PDE1A: variants seen among roughly 807,000 people sequenced by gnomAD.
PDE1A encodes phosphodiesterase 1A, also known as dual specificity calcium/calmodulin-dependent 3',5'-cyclic nucleotide phosphodiesterase 1A.
In PDE1A, 35 loss-of-function variants were observed where a neutral mutation model predicts 61.7. The observed-to-expected ratio is 0.57, with a 90% CI of 0.43 to 0.75. PDE1A has a LOEUF of 0.75. PDE1A is among the 30% of genes least tolerant of loss of function. The probability of loss-of-function intolerance (pLI) is 0.00; values close to 1 mark genes in which losing one functional copy is unlikely to be tolerated. For missense variants in PDE1A, 597 were observed against 630.6 expected, an observed-to-expected ratio of 0.95 and a Z score of 0.57; for synonymous variants, 232 against 213.2, an observed-to-expected ratio of 1.09 and a Z score of -0.77.
chr2:182,207,186 A>G (rs946263345), intron 7 of PDE1A, among the ~76,000 whole-genome samples: 2 of 152,232 alleles, frequency 1.3e-5, no homozygotes, highest in African/African-American at 2.4e-5. Context: ...GGAACTTCAT[A>G]CAGACTTGTT....
At chr2:182,521,218 TA>T (rs1447641806) in intron 2 of PDE1A, among the ~76,000 whole-genome samples, 2 of 151,960 alleles carry the variant, frequency 1.3e-5, no homozygotes, top group Non-Finnish European at 2.9e-5. Context: ...TAATTTTCTT[TA>T]AAAAAATATC....
intron 2 of PDE1A, among the ~76,000 whole-genome samples, chr2:182,251,803 T>G (rs1216573379): frequency 6.6e-6 from 1 of 152,210 alleles, no homozygotes. Flanking sequence ...AGAGTCCCCA[T>G]GAAAGTATTT....
intron 1 of PDE1A, among the ~76,000 whole-genome samples, chr2:182,360,224 T>C (rs1217081482): frequency 6.6e-6 from 1 of 152,130 alleles, no homozygotes; most frequent in African/African-American, 2.4e-5. Context: ...TGATTAATCT[T>C]AGATTTCATT....
the PDE1A span, among the ~76,000 whole-genome samples, chr2:182,689,584 C>T: frequency 4.6e-5 from 7 of 151,962 alleles, no homozygotes; most frequent in Non-Finnish European, 1.0e-4. Flanking sequence ...CAGGAAAGAT[C>T]CAAAATTGAC....
chr2:182,575,573 C>A, the PDE1A span, among the ~76,000 whole-genome samples: 1 of 151,532 alleles, frequency 6.6e-6, no homozygotes, highest in African/African-American at 2.4e-5. Flanking sequence ...AGTGGTGCCA[C>A]TTCCACTTCT....
At chr2:182,461,806 C>A (rs11892984) in intron 2 of PDE1A, among the ~76,000 whole-genome samples, 10,574 of 152,150 alleles carry the variant, frequency 0.069, 1,185 homozygotes, top group African/African-American at 0.24. Context: ...CTGTCCTTTC[C>A]CCTGTCAGTA....
At chr2:182,585,466 G>A in the PDE1A span, among the ~76,000 whole-genome samples, 1 of 152,108 alleles carries the variant, frequency 6.6e-6, no homozygotes, top group African/African-American at 2.4e-5. Context: ...TTTGTCTTAA[G>A]AACTACCTAG....
the PDE1A span, among the ~76,000 whole-genome samples, chr2:182,655,537 A>G: frequency 6.6e-6 from 1 of 152,242 alleles, no homozygotes; most frequent in Non-Finnish European, 1.5e-5. Context: ...TTTAAAGAGT[A>G]AACTATTCCT....
exon 15 of PDE1A, chr2:182,141,067 C>CTCTATAGTAGA (rs1291671790): frequency 2.0e-5 from 3 of 151,094 alleles, no homozygotes; most frequent in South Asian, 2.1e-4. Context: ...CTTTATATTC[C>CTCTATAGTAGA]TCTACTTTTT....
At chr2:182,571,399 A>G in the PDE1A span, among the ~76,000 whole-genome samples, 2 of 152,148 alleles carry the variant, frequency 1.3e-5, no homozygotes, top group Non-Finnish European at 2.9e-5. Context: ...AAATAGCATA[A>G]AATGATTACC....
intron 2 of PDE1A, among the ~76,000 whole-genome samples, chr2:182,254,891 A>G (rs1046571524): frequency 6.6e-6 from 1 of 152,168 alleles, no homozygotes; most frequent in African/African-American, 2.4e-5. Flanking sequence ...TTGACCACCT[A>G]TCTTTCTCAT....
the PDE1A span, among the ~76,000 whole-genome samples, chr2:182,530,859 CA>C: frequency 2.0e-5 from 3 of 151,600 alleles, no homozygotes; most frequent in Non-Finnish European, 4.4e-5. Context: ...AGCAAAAATG[CA>C]GGTAAATATC....
intron 1 of PDE1A, among the ~76,000 whole-genome samples, chr2:182,406,146 G>A (rs1702284454): frequency 6.6e-6 from 1 of 151,862 alleles, no homozygotes; most frequent in Non-Finnish European, 1.5e-5. Context: ...CACTTCAACT[G>A]TATATAGCTC....
the PDE1A span, among the ~76,000 whole-genome samples, chr2:182,621,584 AAT>A: frequency 1.8e-4 from 19 of 103,612 alleles, no homozygotes; most frequent in East Asian, 6.0e-4. Flanking sequence ...CTTAAAAAAA[AAT>A]TTTTTTTTTT....
the PDE1A span, among the ~76,000 whole-genome samples, chr2:182,661,808 CG>C: frequency 6.6e-6 from 1 of 151,884 alleles, no homozygotes; most frequent in African/African-American, 2.4e-5. Flanking sequence ...ATAATAGCAA[CG>C]AAAATGTCAG....
chr2:182,374,659 T>C (rs1461742409), intron 1 of PDE1A, among the ~76,000 whole-genome samples: 1 of 152,114 alleles, frequency 6.6e-6, no homozygotes, highest in Non-Finnish European at 1.5e-5. Context: ...ATGAACATGA[T>C]ACTAGAATAA....
rs1443174915 is a variant in PDE1A, at chr2:182,260,553, TAGG to T, written c.167+3745_167+3747del. Among the ~76,000 whole-genome samples the T allele has an allele frequency of 4.6e-5, 7 of 152,336 alleles. No individual in the cohort carries two copies. The South Asian group carries it at 1.4e-3, about 32-fold the overall frequency. On this transcript the variant is annotated intron_variant, in intron 2 of 13. Coordinates refer to ENST00000351439, the Ensembl canonical transcript of PDE1A. The stretch of plus-strand genomic sequence containing the variant: ...ATTTTGATCATGAAATCGCAGCTCT[TAGG>T]AGATTTGTAAGAGGTAATCTTAGGT...
intron 2 of PDE1A, among the ~76,000 whole-genome samples, chr2:182,520,861 C>T (rs1690520660): frequency 6.6e-6 from 1 of 151,962 alleles, no homozygotes; most frequent in Admixed American, 6.6e-5. Context: ...GTTTAATTTG[C>T]ATCTATGCTA....
the PDE1A span, among the ~76,000 whole-genome samples, chr2:182,545,710 C>A: frequency 6.6e-6 from 1 of 152,164 alleles, no homozygotes; most frequent in African/African-American, 2.4e-5. Flanking sequence ...TATTAAAACT[C>A]TCTGTTCCTC....
Sources: allele counts gnomAD v4.1 joint callset (sites outside exome capture counted in the v4.1 genomes callset), GRCh38; gene constraint gnomAD v4.1.1; transcripts MANE v1.5; gene names NCBI Gene and HGNC (gene_info 2026-07-23, HGNC 2026-07-21).